CDH13: variants seen among roughly 807,000 people sequenced by gnomAD.
The protein encoded by CDH13 is cadherin 13.
Under a neutral mutation model 63.8 loss-of-function variants are expected in CDH13, and 24 were observed. The ratio of observed to expected loss-of-function variants is 0.38; its 90% CI spans 0.27 to 0.53. The LOEUF (loss-of-function observed/expected upper bound fraction) is 0.53. Ranked by LOEUF, CDH13 falls within the 20% of genes least tolerant of loss-of-function variation. The probability of loss-of-function intolerance (pLI) is 0.85; values close to 1 mark genes in which losing one functional copy is unlikely to be tolerated. For missense variants in CDH13, 1,049 were observed against 903.1 expected (o/e 1.16, Z -2.07); for synonymous variants, 503 against 355.3 (o/e 1.42, Z -4.67).
chr16:82,818,891 A>G (rs1394233228), intron 1 of CDH13, among the ~76,000 whole-genome samples: 1 of 152,178 alleles, frequency 6.6e-6, no homozygotes. Context: ...CTAACGGTAA[A>G]ATGAGTTATG....
intron 6 of CDH13, among the ~76,000 whole-genome samples, chr16:83,381,520 C>A (rs751312960): frequency 1.3e-5 from 2 of 151,976 alleles, no homozygotes; most frequent in Admixed American, 1.3e-4. Flanking sequence ...GATCTCAAGT[C>A]TTGAACACAT....
At chr16:83,459,162 A>G (rs956316996) in intron 6 of CDH13, among the ~76,000 whole-genome samples, 2 of 152,252 alleles carry the variant, frequency 1.3e-5, no homozygotes, top group Non-Finnish European at 2.9e-5. Flanking sequence ...GTTTCTAAGA[A>G]CATCTTAATG....
intron 6 of CDH13, among the ~76,000 whole-genome samples, chr16:83,429,668 C>CTG (rs2072032880): frequency 2.6e-5 from 4 of 152,192 alleles, no homozygotes; most frequent in African/African-American, 9.7e-5. Flanking sequence ...GCTAATCTTT[C>CTG]CTTAGAACTT....
At chr16:82,629,773 C>G (rs1158521349) in intron 1 of CDH13, among the ~76,000 whole-genome samples, 1 of 152,226 alleles carries the variant, frequency 6.6e-6, no homozygotes, top group Non-Finnish European at 1.5e-5. Flanking sequence ...GTCACCTCTC[C>G]TATCCCCTGG....
intron 5 of CDH13, among the ~76,000 whole-genome samples, chr16:83,230,047 T>C (rs182837064): frequency 1.3e-5 from 2 of 152,330 alleles, no homozygotes; most frequent in East Asian, 3.9e-4. Flanking sequence ...TCATTAATAG[T>C]TGGGGAATCC....
intron 2 of CDH13, among the ~76,000 whole-genome samples, chr16:82,917,150 A>G (rs1318428834): frequency 6.6e-6 from 1 of 152,194 alleles, no homozygotes; most frequent in Non-Finnish European, 1.5e-5. Context: ...GAGAAAGTAA[A>G]TGAAAGGAAG....
At chr16:83,340,792 A>G (rs2090705397) in intron 5 of CDH13, among the ~76,000 whole-genome samples, 1 of 152,168 alleles carries the variant, frequency 6.6e-6, no homozygotes, top group African/African-American at 2.4e-5. Context: ...CTACTATGGA[A>G]TTAGTTATTA....
chr16:83,203,043 T>G (rs1379520633), intron 4 of CDH13, among the ~76,000 whole-genome samples: 1 of 151,194 alleles, frequency 6.6e-6, no homozygotes, highest in African/African-American at 2.5e-5. Context: ...CTGACCACCA[T>G]GGAGAAACCC....
chr16:83,033,207 C>T (rs553738524), intron 3 of CDH13, among the ~76,000 whole-genome samples: 2 of 152,232 alleles, frequency 1.3e-5, no homozygotes, highest in Non-Finnish European at 1.5e-5. Context: ...ACTCATGCTC[C>T]TCCTGTTGTT....
intron 6 of CDH13, among the ~76,000 whole-genome samples, chr16:83,351,280 CTT>C (rs5818442): frequency 0.023 from 3,127 of 135,002 alleles, 40 homozygotes; most frequent in East Asian, 0.063. Context: ...GTGGCTATTT[CTT>C]TTTTTTTTTT....
At chr16:83,214,562 A>G (rs1305569703) in intron 4 of CDH13, among the ~76,000 whole-genome samples, 2 of 124,548 alleles carry the variant, frequency 1.6e-5, no homozygotes, top group African/African-American at 3.1e-5. Context: ...CCTGGGTGAC[A>G]GAGTGAGACT....
At chr16:82,894,502 C>T (rs2041184155) in intron 2 of CDH13, among the ~76,000 whole-genome samples, 2 of 152,086 alleles carry the variant, frequency 1.3e-5, no homozygotes, top group Admixed American at 1.3e-4. Context: ...ATTAGCCAGG[C>T]ATGGTGGCGT....
intron 7 of CDH13, among the ~76,000 whole-genome samples, chr16:83,495,160 C>T (rs1598151874): frequency 6.6e-6 from 1 of 152,222 alleles, no homozygotes; most frequent in South Asian, 2.1e-4. Flanking sequence ...CCTCAGGAGA[C>T]CCTGAGAACA....
At chr16:83,756,801 A>G (rs1007387489) in intron 11 of CDH13, among the ~76,000 whole-genome samples, 11 of 152,266 alleles carry the variant, frequency 7.2e-5, no homozygotes, top group Admixed American at 6.5e-4. Context: ...CAGAGCAGAG[A>G]AAACTAAAAA....
chr16:82,859,510 A>G (rs576663026), intron 2 of CDH13: 2 of 152,242 alleles, frequency 1.3e-5, no homozygotes, highest in African/African-American at 2.4e-5. Flanking sequence ...GTGAGCCGAG[A>G]TCATACCATT....
chr16:82,746,540 C>T (rs2034182788), intron 1 of CDH13, among the ~76,000 whole-genome samples: 1 of 151,908 alleles, frequency 6.6e-6, no homozygotes, highest in African/African-American at 2.4e-5. Context: ...ATTACTTTAG[C>T]AGAAATATGA....
intron 1 of CDH13, among the ~76,000 whole-genome samples, chr16:82,663,526 G>A (rs752644097): frequency 4.6e-5 from 7 of 152,116 alleles, no homozygotes; most frequent in Admixed American, 4.6e-4. Flanking sequence ...GTCTCCTAGT[G>A]ACTCCCCTAG....
At chr16:83,571,423 C>A (rs1316528577) in intron 7 of CDH13, among the ~76,000 whole-genome samples, 1 of 151,966 alleles carries the variant, frequency 6.6e-6, no homozygotes, top group Non-Finnish European at 1.5e-5. Flanking sequence ...AAAAAACTGG[C>A]CCTTAAAGCA....
chr16:83,247,853 G>A (rs371566453), intron 5 of CDH13, among the ~76,000 whole-genome samples: 40 of 152,162 alleles, frequency 2.6e-4, no homozygotes, highest in African/African-American at 8.9e-4. Flanking sequence ...CAGAGGCACA[G>A]AACAAAATGT....
Sources: gnomAD v4.1 joint callset for allele counts (sites outside exome capture counted in the v4.1 genomes callset) on GRCh38, gnomAD v4.1.1 for gene constraint, MANE v1.5 for transcripts, NCBI Gene and HGNC (gene_info 2026-07-23, HGNC 2026-07-21) for gene names.